The following ILDR2 variants were observed in gnomAD, a reference collection of about 807,000 sequenced individuals.
ILDR2 encodes the protein immunoglobulin like domain containing receptor 2.
ILDR2 carries 25 observed loss-of-function variants against 66.8 expected under a neutral mutation model. The ratio of observed to expected loss-of-function variants is 0.37; its 90% CI spans 0.27 to 0.52. The LOEUF (loss-of-function observed/expected upper bound fraction) is 0.52, where lower values mean the gene tolerates loss of function less well. Among genes scored for constraint, ILDR2 ranks in the 20% least tolerant of loss-of-function variants. ILDR2 has a pLI of 0.88. For synonymous variants in ILDR2, 367 were observed against 357.2 expected (o/e 1.03, Z -0.31); for missense variants, 827 against 876.8 (o/e 0.94, Z 0.72).
intron 4 of ILDR2, among the ~76,000 whole-genome samples, chr1:166,938,489 T>C (rs139453302): frequency 6.6e-6 from 1 of 152,280 alleles, no homozygotes; most frequent in East Asian, 1.9e-4. Flanking sequence ...GCTTACAAAT[T>C]GAGGGAATTC....
intron 2 of ILDR2, among the ~76,000 whole-genome samples, chr1:166,898,328 G>A (rs192256087): frequency 6.7e-4 from 102 of 152,266 alleles, no homozygotes; most frequent in African/African-American, 2.4e-3. Context: ...GTTCTCTAAA[G>A]CCCCTTGATC....
chr1:166,965,999 G>A (rs188726262), intron 1 of ILDR2, among the ~76,000 whole-genome samples: 267 of 152,012 alleles, frequency 1.8e-3, no homozygotes, highest in Non-Finnish European at 2.9e-3. Context: ...TAGCATTGTC[G>A]GGATGAGAAT....
chr1:166,948,375 G>A (rs1661765357), intron 3 of ILDR2, among the ~76,000 whole-genome samples: 1 of 152,236 alleles, frequency 6.6e-6, no homozygotes. Context: ...AAGTTGTAAA[G>A]TCACCCTATC....
intron 1 of ILDR2, among the ~76,000 whole-genome samples, chr1:166,973,625 CG>C (rs1359585116): frequency 6.2e-5 from 8 of 129,612 alleles, no homozygotes; most frequent in Admixed American, 1.6e-4. Context: ...CCCCCCCCCC[CG>C]ATGCCTGGCT....
At chr1:166,951,583 T>C (rs976612209) in intron 3 of ILDR2, among the ~76,000 whole-genome samples, 3 of 152,248 alleles carry the variant, frequency 2.0e-5, no homozygotes, top group Non-Finnish European at 4.4e-5. Context: ...TGTACTTTTC[T>C]GTTTTGTTTG....
chr1:166,932,043 G>T (rs1660669682), intron 6 of ILDR2, among the ~76,000 whole-genome samples: 1 of 152,224 alleles, frequency 6.6e-6, no homozygotes, highest in Admixed American at 6.5e-5. Context: ...AGTGAATAAG[G>T]TTTCCCAGGG....
chr1:166,975,324 C>G lies in ILDR2; in HGVS notation c.-56G>C, dbSNP rs570059538. ...TGAGGAAAGTGGGAAATGGCTGGAACAGAAGGATCGCTGTCACCCCGCGGC... is the reference window on the plus strand; with the variant it reads ...TGAGGAAAGTGGGAAATGGCTGGAAGAGAAGGATCGCTGTCACCCCGCGGC... On this transcript the variant is annotated 5_prime_UTR_variant, in exon 1 of 10. Transcript: ENST00000271417. 1.3e-6 allele frequency: 2 copies of G among 1,539,806 alleles called. No individual in the cohort carries two copies. Among genetic ancestry groups the G allele is most frequent in the Non-Finnish European group, 8.9e-7 (1 of 1,121,450 alleles).
intron 4 of ILDR2, among the ~76,000 whole-genome samples, chr1:166,938,171 T>G (rs1397468088): frequency 6.6e-6 from 1 of 152,238 alleles, no homozygotes; most frequent in African/African-American, 2.4e-5. Context: ...AGCAGAAGGC[T>G]TTGGCCTAAG....
downstream of ILDR2, among the ~76,000 whole-genome samples, chr1:166,905,368 C>T (rs1659328655): frequency 6.6e-6 from 1 of 152,202 alleles, no homozygotes; most frequent in South Asian, 2.1e-4. Flanking sequence ...AGCTGTTCAG[C>T]ATTTGGTATG....
At chr1:166,969,553 C>T (rs1383463314) in intron 1 of ILDR2, among the ~76,000 whole-genome samples, 1 of 152,218 alleles carries the variant, frequency 6.6e-6, no homozygotes. Context: ...CACTGGGGCA[C>T]ATCCTCTGTT....
At chr1:166,972,700 CAGG>C (rs903161926) in intron 1 of ILDR2, among the ~76,000 whole-genome samples, 1 of 151,734 alleles carries the variant, frequency 6.6e-6, no homozygotes, top group Non-Finnish European at 1.5e-5. Flanking sequence ...AAAAGAGAAA[CAGG>C]AGGAGAAGGG....
In ILDR2 at chr1:166,918,564, T is replaced by C. The variant is rs1029170184; in HGVS notation, c.*791A>G. ...GGGCTGTGTGTGTGGCACCAACCTGTGGGAAGTCCAGGAGAGGGGAGGAAG... is the reference window on the plus strand; with the variant it reads ...GGGCTGTGTGTGTGGCACCAACCTGCGGGAAGTCCAGGAGAGGGGAGGAAG... On this transcript the variant is annotated 3_prime_UTR_variant, in exon 10 of 10. Transcript: ENST00000271417. 13 of 152,216 alleles carry C rather than the reference T, an allele frequency of 8.5e-5. No individual in the cohort carries two copies. Among genetic ancestry groups the C allele is most frequent in the African/African-American group, 3.1e-4 (13 of 41,422 alleles). The allele number at this position is 152,216 out of a possible 1,614,324, so 9.4% of individuals were successfully genotyped here. A position where few individuals can be genotyped will look rare whatever the true frequency, so the allele number is the denominator to read the frequency against.
intron 2 of ILDR2, 84 bp downstream of exon 2, chr1:166,957,685 A>G (rs1205840762): frequency 1.7e-6 from 2 of 1,207,196 alleles, no homozygotes; most frequent in African/African-American, 1.5e-5. Context: ...AGAGGCTAGA[A>G]TATCACCATA....
In ILDR2 at chr1:166,916,232, G is replaced by A. The variant is rs1271722458; in HGVS notation, c.*3123C>T. On this transcript the variant is annotated 3_prime_UTR_variant, in exon 10 of 10. Transcript: ENST00000271417. ...TCCTAATTCACCTCTTTTCAGTTCA[G>A]ACTTTTGAGTATTGGCTTTTCAGAT... The A allele has an allele frequency of 6.6e-6, 1 of 152,102 alleles. No homozygotes were observed. Among genetic ancestry groups the A allele is most frequent in the Non-Finnish European group, 1.5e-5 (1 of 68,020 alleles). 9.4% of individuals were successfully genotyped at this position (152,102 alleles called of 1,614,324 possible).
intron 3 of ILDR2, among the ~76,000 whole-genome samples, chr1:166,944,062 C>T (rs1269188365): frequency 1.3e-5 from 2 of 152,200 alleles, no homozygotes; most frequent in Non-Finnish European, 2.9e-5. Context: ...ACACAAGTGC[C>T]AGTTCCATAT....
intron 1 of ILDR2, among the ~76,000 whole-genome samples, chr1:166,961,438 A>C (rs1255718439): frequency 2.0e-5 from 3 of 152,226 alleles, no homozygotes; most frequent in Non-Finnish European, 2.9e-5. Context: ...CTCCAAAAAA[A>C]TAAAAATAAA....
intron 3 of ILDR2, among the ~76,000 whole-genome samples, chr1:166,948,158 A>C (rs559804486): frequency 8.5e-5 from 13 of 152,152 alleles, no homozygotes; most frequent in African/African-American, 3.1e-4. Flanking sequence ...CAGCAGGTGG[A>C]GGTGAGCCGA....
chr1:166,960,887 C>T (rs145819593), intron 1 of ILDR2, among the ~76,000 whole-genome samples: 5 of 152,148 alleles, frequency 3.3e-5, no homozygotes, highest in African/African-American at 1.2e-4. Context: ...AATTTTTTAA[C>T]CTTGTAATTA....
chr1:166,927,073 C>T lies in ILDR2; in HGVS notation c.988G>A (p.Gly330Ser). ...AAAACTAACAGATGCTCACATCTGC[C>T]TCTCATCCTTCTGGCTGGATCAAAC... ...AQFDPARRMR[G>S]RYNNTISELS... Residue 330 changes from glycine (G) to serine (S), a missense_variant, in exon 7 of 10, where the codon GGC (glycine) becomes AGC (serine). Gly to Ser is a moderately conservative substitution (Grantham distance 56). Coordinates refer to ENST00000271417, the MANE Select transcript of ILDR2 (RefSeq NM_199351.3). The T allele has an allele frequency of 1.2e-6, 2 of 1,604,530 alleles. No individual in the cohort carries two copies. Among genetic ancestry groups the T allele is most frequent in the Non-Finnish European group, 1.7e-6 (2 of 1,172,718 alleles).
Sources: allele counts gnomAD v4.1 joint callset (sites outside exome capture counted in the v4.1 genomes callset), GRCh38; gene constraint gnomAD v4.1.1; transcripts MANE v1.5; gene names NCBI Gene and HGNC (gene_info 2026-07-23, HGNC 2026-07-21).